FER1L5: variants seen among roughly 807,000 people sequenced by gnomAD.
FER1L5 encodes fer-1 like family member 5.
FER1L5 carries 187 observed loss-of-function variants against 279.9 expected under a neutral mutation model. The observed-to-expected ratio is 0.67, with a 90% CI of 0.59 to 0.75. The LOEUF is 0.75. FER1L5 is among the 30% of genes least tolerant of loss of function. FER1L5 has a pLI of 0.00. For missense variants in FER1L5, 2,091 were observed against 2,594.4 expected (o/e 0.81, Z 4.21); for synonymous variants, 921 against 989.7 (o/e 0.93, Z 1.30).
chr2:96,666,868 G>A (rs1453669909), intron 14 of FER1L5, among the ~76,000 whole-genome samples: 1 of 151,986 alleles, frequency 6.6e-6, no homozygotes, highest in East Asian at 1.9e-4. Flanking sequence ...GTCCAGGCTG[G>A]TCTTGAACTC....
intron 19 of FER1L5, 67 bp downstream of exon 19, chr2:96,673,321 C>T (rs1321152746): frequency 1.4e-6 from 2 of 1,436,442 alleles, no homozygotes; most frequent in African/African-American, 1.4e-5. Context: ...GCTAGGCTCT[C>T]TCAGGGGTAT....
rs1340561183 is a variant in FER1L5 at position 96,704,846 on chromosome 2, G to C, written c.*154G>C. ...AATCACTTTCAACAAGACGAGCAGA[G>C]CTGTAATTTTCCACTGAAATAAACA... is the stretch of plus-strand genomic sequence containing the variant. On this transcript the variant is annotated 3_prime_UTR_variant, in exon 53 of 53. Transcript: ENST00000624922. The C allele has an allele frequency of 1.5e-6, 1 of 652,334 alleles. No homozygotes were observed. Among genetic ancestry groups the C allele is most frequent in the East Asian group, 2.7e-5 (1 of 36,696 alleles). The allele number at this position is 652,334 out of a possible 1,614,324, so 40.4% of individuals were successfully genotyped here.
At chr2:96,667,892 ACT>A (rs533626800) in intron 14 of FER1L5, among the ~76,000 whole-genome samples, 91 of 151,802 alleles carry the variant, frequency 6.0e-4, no homozygotes, top group African/African-American at 2.1e-3. Context: ...ACAAGGTCTC[ACT>A]CTGTCACCCA....
In FER1L5 at chr2:96,704,216, C is replaced by T. The variant is rs757294299; in HGVS notation, c.5803C>T (p.Arg1935Cys). Reference protein sequence around the residue: ...NQYPTLHPPLRTNTSFTWLRS... With the variant: ...NQYPTLHPPLCTNTSFTWLRS... Reference sequence around the variant, plus strand: ...GACATCTCCCTGGCTCCTGGACAGACGCACCAACACCTCTTTCACGTGGCT... The same window carrying T: ...GACATCTCCCTGGCTCCTGGACAGATGCACCAACACCTCTTTCACGTGGCT... Residue 1935 changes from arginine to cysteine, a missense_variant and splice_region_variant, in exon 52 of 53, where the codon CGC becomes TGC. Physicochemically the swap from Arg to Cys is radical, Grantham distance 180. Coordinates refer to ENST00000624922, the MANE Select transcript of FER1L5 (RefSeq NM_001293083.2). The T allele has an allele frequency of 5.6e-6, 9 of 1,613,764 alleles. No homozygotes were observed. The East Asian group carries it at 6.7e-5, about 12-fold the overall frequency.
chr2:96,690,102 A>G (rs1381630174), intron 26 of FER1L5, among the ~76,000 whole-genome samples: 1 of 152,188 alleles, frequency 6.6e-6, no homozygotes. Context: ...GAAATCTTCT[A>G]TATCTGCACG....
chr2:96,674,673 A>T (rs1213269730), intron 19 of FER1L5, among the ~76,000 whole-genome samples: 2 of 152,142 alleles, frequency 1.3e-5, no homozygotes, highest in African/African-American at 4.8e-5. Flanking sequence ...TGAAATGTGT[A>T]TGTATAGTTT....
intron 5 of FER1L5, among the ~76,000 whole-genome samples, chr2:96,649,930 GCTGCAGAGAGA>G (rs1380317955): frequency 1.3e-5 from 2 of 152,194 alleles, no homozygotes; most frequent in Non-Finnish European, 2.9e-5. Context: ...TCTCCAAGGG[GCTGCAGAGAGA>G]CAAGGATGGT....
intron 14 of FER1L5, among the ~76,000 whole-genome samples, chr2:96,665,909 G>T (rs1336947051): frequency 6.6e-6 from 1 of 152,042 alleles, no homozygotes; most frequent in Non-Finnish European, 1.5e-5. Flanking sequence ...TACAGGCTCA[G>T]AACCAATGGC....
chr2:96,647,932 A>C, intron 4 of FER1L5, 46 bp downstream of exon 4: 1 of 1,466,458 alleles, frequency 6.8e-7, no homozygotes, highest in Non-Finnish European at 9.3e-7. Context: ...TGGAGGAATG[A>C]GGGGAGCTGG....
chr2:96,693,154 G>A (rs1411580467), intron 31 of FER1L5, among the ~76,000 whole-genome samples: 2 of 150,160 alleles, frequency 1.3e-5, no homozygotes, highest in Admixed American at 6.6e-5. Flanking sequence ...CAGCCTGGGC[G>A]AAAGAGCGAA....
At chr2:96,662,320 G>A in intron 13 of FER1L5, 53 bp downstream of exon 13, 1 of 1,525,450 alleles carries the variant, frequency 6.6e-7, no homozygotes, top group South Asian at 1.2e-5. Flanking sequence ...AGAGAAAGTA[G>A]TTTGGAGAGG....
chr2:96,685,301 C>G, intron 20 of FER1L5, 28 bp from the exon 21 acceptor site: 2 of 1,545,268 alleles, frequency 1.3e-6, no homozygotes, highest in Non-Finnish European at 1.8e-6. Context: ...GAGGCGGGCT[C>G]TCTCACCATT....
At chr2:96,664,276 A>G (rs1313364036) in intron 14 of FER1L5, among the ~76,000 whole-genome samples, 2 of 152,174 alleles carry the variant, frequency 1.3e-5, no homozygotes, top group African/African-American at 4.8e-5. Context: ...TACAATCAAC[A>G]TAATGAATAT....
intron 1 of FER1L5, among the ~76,000 whole-genome samples, chr2:96,645,357 G>T (rs1465417219): frequency 2.6e-5 from 4 of 152,152 alleles, no homozygotes; most frequent in Admixed American, 2.6e-4. Flanking sequence ...TGGCTATGGG[G>T]AGAGGAGAGA....
At position 96,684,309 on chromosome 2, in the gene FER1L5, T is replaced by G; in HGVS notation, c.1670-18T>G. 6.5e-7 allele frequency: 1 copy of G among 1,550,130 alleles called. No homozygotes were observed. On this transcript the variant is annotated intron_variant, in intron 19 of 52. Coordinates refer to ENST00000624922, the MANE Select transcript of FER1L5 (RefSeq NM_001293083.2). ...ATCCCCCAGACACCCCATCCCTCCATGTGTCTCTGTGTCTCAGGGAACATC... is the reference window on the plus strand; with the variant it reads ...ATCCCCCAGACACCCCATCCCTCCAGGTGTCTCTGTGTCTCAGGGAACATC...
chr2:96,659,493 CTTTCTTTCTTTCTTTCG>C lies in FER1L5; in HGVS notation c.748-847_748-831del, dbSNP rs1558855671. Among the ~76,000 whole-genome samples the C allele has an allele frequency of 2.2e-4, 9 of 41,046 alleles. 2 individuals are homozygous for C. The highest frequency in any genetic ancestry group is 1.7e-3 in the African/African-American group (8 of 4,614). 26.9% of individuals were successfully genotyped at this position (41,046 alleles called of 152,430 possible). Reference sequence around the variant, plus strand: ...TCTTTCTTTCTTTCTTTCTTTCTTTCTTTCTTTCTTTCTTTCGAGACAGAGTCTCGCTCTGTCGCCCA... The same window carrying C: ...TCTTTCTTTCTTTCTTTCTTTCTTTCAGACAGAGTCTCGCTCTGTCGCCCA... On this transcript the variant is annotated intron_variant, in intron 9 of 52. Coordinates refer to ENST00000624922, the MANE Select transcript of FER1L5 (RefSeq NM_001293083.2).
At chr2:96,685,576 G>T in intron 21 of FER1L5, 147 bp downstream of exon 21, 1 of 726,648 alleles carries the variant, frequency 1.4e-6, no homozygotes. Context: ...GAAACCCCAA[G>T]AGTCGCTTCT....
rs75009156 is a variant in FER1L5 at position 96,665,517 on chromosome 2, A to G, written c.1140+2010A>G. Among the ~76,000 whole-genome samples, 1,236 of 151,880 alleles carry G rather than the reference A, an allele frequency of 8.1e-3. 14 individuals are homozygous for G. Among genetic ancestry groups the G allele is most frequent in the African/African-American group, 0.028 (1,169 of 41,390 alleles). On this transcript the variant is annotated intron_variant, in intron 14 of 52. Transcript: ENST00000624922. Reference sequence around the variant, plus strand: ...ACCTTTTCCGGCCTGTGATGAGGGCACAGGGCTGGGATCCTCAGATGTTCT... The same window carrying G: ...ACCTTTTCCGGCCTGTGATGAGGGCGCAGGGCTGGGATCCTCAGATGTTCT...
intron 6 of FER1L5, among the ~76,000 whole-genome samples, chr2:96,651,586 A>G (rs1159460451): frequency 6.6e-6 from 1 of 151,136 alleles, no homozygotes; most frequent in Non-Finnish European, 1.5e-5. Context: ...ACTACAGTCT[A>G]GACCTCTGGG....
Sources: gnomAD v4.1 joint callset for allele counts (sites outside exome capture counted in the v4.1 genomes callset) on GRCh38, gnomAD v4.1.1 for gene constraint, MANE v1.5 for transcripts, NCBI Gene and HGNC (gene_info 2026-07-23, HGNC 2026-07-21) for gene names.